TRAF3: variants seen among roughly 807,000 people sequenced by gnomAD.
TRAF3 encodes the protein TNF receptor associated factor 3.
A neutral mutation model predicts 62.3 loss-of-function variants in TRAF3; 13 were observed. The ratio of observed to expected loss-of-function variants is 0.21; its 90% CI spans 0.14 to 0.33. The LOEUF is 0.33. Among genes scored for constraint, TRAF3 ranks in the 10% least tolerant of loss-of-function variants. The pLI is 1.00. For synonymous variants in TRAF3, 269 were observed against 283.4 expected (o/e 0.95, Z 0.51); for missense variants, 440 against 741.8 (o/e 0.59, Z 4.73).
chr14:102,863,179 G>A (rs1362845568), intron 2 of TRAF3, among the ~76,000 whole-genome samples: 2 of 152,068 alleles, frequency 1.3e-5, no homozygotes, highest in East Asian at 3.8e-4. Flanking sequence ...TTCTTTGCAT[G>A]CCTTGTGATA....
rs1056935980 is a variant in TRAF3, at chr14:102,856,294, A to G, written c.-17-13891A>G. ...ATACTTATTGTTACTTCTTGATTGT[A>G]TGCTAAACAAGGGGTGGATTATTCA... On this transcript the variant is annotated intron_variant, in intron 2 of 11. Coordinates refer to ENST00000392745, the MANE Select transcript of TRAF3 (RefSeq NM_145725.3). Among the ~76,000 whole-genome samples, 14 of 152,142 alleles carry G rather than the reference A, an allele frequency of 9.2e-5. No individual in the cohort carries two copies. The East Asian group carries it at 9.6e-4, about 10-fold the overall frequency.
At chr14:102,837,212 C>T (rs761929419) in intron 2 of TRAF3, among the ~76,000 whole-genome samples, 5 of 151,234 alleles carry the variant, frequency 3.3e-5, no homozygotes, top group Admixed American at 1.3e-4. Flanking sequence ...AATGACAGCT[C>T]GCTATAGCCT....
intron 1 of TRAF3, among the ~76,000 whole-genome samples, chr14:102,794,772 C>T (rs1897978682): frequency 6.6e-6 from 1 of 152,128 alleles, no homozygotes; most frequent in African/African-American, 2.4e-5. Context: ...TGAGTACATT[C>T]TGTGTTCTGA....
Position 102,882,323 on chromosome 14 carries a change from C to T in TRAF3, c.571-3866C>T, listed in dbSNP as rs1006320939. On this transcript the variant is annotated intron_variant, in intron 6 of 11. Coordinates refer to ENST00000392745, the MANE Select transcript of TRAF3 (RefSeq NM_145725.3). ...GCTTGAGATGAAACAAGTTGAAAAC[C>T]GTTTGAGCAGTGTTGACAGTAGAGT... Among the ~76,000 whole-genome samples the T allele has an allele frequency of 8.5e-5, 13 of 152,108 alleles. No individual in the cohort carries two copies. In the East Asian group the frequency reaches 1.3e-3, roughly 16 times the overall value.
At position 102,837,144 on chromosome 14, in the gene TRAF3, T is replaced by G. The variant is rs866388058; in HGVS notation, c.-18+6672T>G. The stretch of plus-strand genomic sequence containing the variant: ...TGTGTGTGTGTGTGTGTGTGTGTGT[T>G]TTTTTTGGGGGGGGGTGAAGGTCTT... On this transcript the variant is annotated intron_variant, in intron 2 of 11. Coordinates refer to ENST00000392745, the MANE Select transcript of TRAF3 (RefSeq NM_145725.3). Among the ~76,000 whole-genome samples, 449 of 130,670 alleles carry G rather than the reference T, an allele frequency of 3.4e-3. 1 individual carries two copies. The highest frequency in any genetic ancestry group is 0.022 in the Middle Eastern group (6 of 268). 85.7% of individuals were successfully genotyped at this position (130,670 alleles called of 152,430 possible).
intron 7 of TRAF3, 143 bp from the exon 8 acceptor site, chr14:102,889,416 TC>T (rs1252890351): frequency 1.3e-6 from 1 of 796,716 alleles, no homozygotes; most frequent in Non-Finnish European, 2.2e-6. Flanking sequence ...TGCATAGAAG[TC>T]TAGGCAGCAG....
intron 7 of TRAF3, among the ~76,000 whole-genome samples, chr14:102,886,804 A>T (rs1054956322): frequency 1.3e-5 from 2 of 152,210 alleles, no homozygotes; most frequent in Non-Finnish European, 1.5e-5. Context: ...CAGAGCAAAG[A>T]TTGTGAAGCA....
intron 2 of TRAF3, among the ~76,000 whole-genome samples, chr14:102,857,376 A>G (rs745320551): frequency 1.3e-5 from 2 of 152,236 alleles, no homozygotes; most frequent in East Asian, 1.9e-4. Flanking sequence ...AAGACAAATC[A>G]TGGTACAACT....
At chr14:102,834,956 A>T (rs1439085693) in intron 2 of TRAF3, among the ~76,000 whole-genome samples, 1 of 150,748 alleles carries the variant, frequency 6.6e-6, no homozygotes, top group Non-Finnish European at 1.5e-5. Flanking sequence ...GACAGAGTAA[A>T]CATACATCTT....
chr14:102,875,498 T>C (rs1334907923), intron 4 of TRAF3, 126 bp from the exon 5 acceptor site: 13 of 751,858 alleles, frequency 1.7e-5, no homozygotes, highest in Non-Finnish European at 2.7e-5. Context: ...CCTTAATGCT[T>C]TCTGAAGTTC....
rs1195369877 is a variant in TRAF3, at chr14:102,826,359, G to A, written c.-156-3975G>A. ...AGGAATGTGGCAGCAGAAGGAACAC[G>A]TTGAGCACCGCAGATACCACCCTGA... is the stretch of plus-strand genomic sequence containing the variant. On this transcript the variant is annotated intron_variant, in intron 1 of 11. Transcript: ENST00000392745. The surrounding 1 kb of genome is among the most constrained non-coding windows in gnomAD (Gnocchi z 4.6). 8.5e-5 allele frequency among the ~76,000 whole-genome samples: 13 copies of A among 152,192 alleles called. No individual in the cohort carries two copies. The highest frequency in any genetic ancestry group is 1.2e-4 in the Non-Finnish European group (8 of 68,038).
intron 9 of TRAF3, among the ~76,000 whole-genome samples, chr14:102,893,515 G>C (rs866627239): frequency 6.6e-6 from 1 of 151,988 alleles, no homozygotes; most frequent in Admixed American, 6.6e-5. Context: ...GCAGCCTTTC[G>C]GGGCCTAATC....
chr14:102,833,717 G>A (rs560605508), intron 2 of TRAF3, among the ~76,000 whole-genome samples: 31 of 152,294 alleles, frequency 2.0e-4, no homozygotes, highest in African/African-American at 7.2e-4. Flanking sequence ...GCATGTGGCC[G>A]GGTGCGGTGG....
At chr14:102,800,533 G>T (rs917347012) in intron 1 of TRAF3, among the ~76,000 whole-genome samples, 1 of 152,162 alleles carries the variant, frequency 6.6e-6, no homozygotes, top group Admixed American at 6.5e-5. Context: ...CTCAGCCACA[G>T]TGCTGAAACC....
At chr14:102,856,297 C>G (rs1489227361) in intron 2 of TRAF3, among the ~76,000 whole-genome samples, 2 of 152,002 alleles carry the variant, frequency 1.3e-5, no homozygotes, top group Non-Finnish European at 2.9e-5. Context: ...TGATTGTATG[C>G]TAAACAAGGG....
At chr14:102,811,607 C>T (rs1334254022) in intron 1 of TRAF3, among the ~76,000 whole-genome samples, 1 of 121,816 alleles carries the variant, frequency 8.2e-6, no homozygotes, top group East Asian at 2.7e-4. Flanking sequence ...GAGGTCAGAT[C>T]TCTTGTCTCA....
intron 6 of TRAF3, among the ~76,000 whole-genome samples, chr14:102,883,710 C>T (rs1280019639): frequency 1.3e-5 from 2 of 152,108 alleles, no homozygotes; most frequent in Middle Eastern, 3.2e-3. Context: ...CTCAGCCTCA[C>T]GAGTAGCTGG....
At chr14:102,778,173 C>A (rs1461308423) in intron 1 of TRAF3, among the ~76,000 whole-genome samples, 1 of 151,066 alleles carries the variant, frequency 6.6e-6, no homozygotes, top group African/African-American at 2.4e-5. Flanking sequence ...CGCCTCCGAC[C>A]GCTTGGCGGG....
chr14:102,864,643 C>T (rs143532707), intron 2 of TRAF3, among the ~76,000 whole-genome samples: 3,817 of 152,278 alleles, frequency 0.025, 67 homozygotes, highest in African/African-American at 0.043. Flanking sequence ...AGATGGCTTA[C>T]AAGGATAAAT....
Sources: gnomAD v4.1 joint callset for allele counts (sites outside exome capture counted in the v4.1 genomes callset) on GRCh38, gnomAD v4.1.1 for gene constraint, Gnocchi (gnomAD v3.1) non-coding constraint, MANE v1.5 for transcripts, NCBI Gene and HGNC (gene_info 2026-07-23, HGNC 2026-07-21) for gene names.